The following NAGPA variants were observed in gnomAD, a reference collection of about 807,000 sequenced individuals.
NAGPA encodes the protein alpha-N-acetylglucosaminyl phosphodiesterase.
Under a neutral mutation model 48.5 loss-of-function variants are expected in NAGPA, and 56 were observed. The ratio of observed to expected loss-of-function variants is 1.15; its 90% CI spans 0.93 to 1.44. The LOEUF is 1.44. NAGPA is among the 40% of genes most tolerant of loss of function. The probability of loss-of-function intolerance (pLI) is 0.00; values close to 1 mark genes in which losing one functional copy is unlikely to be tolerated. For synonymous variants in NAGPA, 399 were observed against 315.5 expected, an observed-to-expected ratio of 1.26 and a Z score of -2.81; for missense variants, 888 against 735.0, an observed-to-expected ratio of 1.21 and a Z score of -2.41.
chr16:5,028,551 A>G, intron 5 of NAGPA: 1 of 562,074 alleles, frequency 1.8e-6, no homozygotes, highest in Non-Finnish European at 3.2e-6. Context: ...AGTCTTTTAT[A>G]GGTTCCTCCG....
rs1382656589 is a variant in NAGPA, at chr16:5,033,342, C to T, written c.473G>A (p.Arg158Gln). The T allele has an allele frequency of 1.9e-6, 3 of 1,597,928 alleles. No homozygotes were observed. Among genetic ancestry groups the T allele is most frequent in the Non-Finnish European group, 2.5e-6 (3 of 1,179,586 alleles). Residue 158 changes from arginine to glutamine, a missense_variant, in exon 2 of 10, where the codon CGG becomes CAG. Physicochemically the swap from Arg to Gln is conservative, Grantham distance 43 (BLOSUM62 1). Coordinates refer to ENST00000312251, the MANE Select transcript of NAGPA (RefSeq NM_016256.4). The surrounding 1 kb of genome is among the most constrained non-coding windows in gnomAD (Gnocchi z 4.2). ...CTGCAGCCCCCCGGAGCTGCTCACCCGCCGCTCGTCGCTCACCACGTTCCC... is the reference window on the plus strand; with the variant it reads ...CTGCAGCCCCCCGGAGCTGCTCACCTGCCGCTCGTCGCTCACCACGTTCCC... ...CLGNVVSDER[R>Q]VSSSGGLQNA...
intron 4 of NAGPA, chr16:5,029,332 T>G: frequency 5.4e-6 from 2 of 367,284 alleles, no homozygotes; most frequent in Non-Finnish European, 1.0e-5. Flanking sequence ...AGATTTGAAA[T>G]ACGAGGGGGA....
chr16:5,033,837 G>C lies in NAGPA; in HGVS notation c.78C>G (p.Leu26=). Residue 26 remains leucine, a synonymous_variant, in exon 1 of 10, where the codon CTC becomes CTG. Coordinates refer to ENST00000312251, the MANE Select transcript of NAGPA (RefSeq NM_016256.4). The surrounding 1 kb of genome is among the most constrained non-coding windows in gnomAD (Gnocchi z 4.2). ...CAGGGAGCTGCACTCACCCCGAGTC[G>C]AGGCCGCCGGACGCTTCCCAGAGGA... ...FGFLWEASGG[L]DSGASRDDDL... 6.4e-7 allele frequency: 1 copy of C among 1,550,678 alleles called. No individual in the cohort carries two copies.
intron 9 of NAGPA, 75 bp downstream of exon 9, chr16:5,027,060 A>G: frequency 6.4e-7 from 1 of 1,554,300 alleles, no homozygotes; most frequent in Non-Finnish European, 8.8e-7. Context: ...GCAGAGATGG[A>G]CCTCACAGGG....
Position 5,033,832 on chromosome 16 carries a change from G to A in NAGPA, c.83C>T (p.Ser28Leu), listed in dbSNP as rs74952829. Residue 28 changes from serine to leucine, a missense_variant, in exon 1 of 10, where the codon TCG (serine) becomes TTG (leucine). By Grantham distance (145) the Ser-to-Leu change is moderately radical. Transcript: ENST00000312251. The surrounding 1 kb of genome is among the most constrained non-coding windows in gnomAD (Gnocchi z 4.2). ...FLWEASGGLDSGASRDDDLLL... is the reference protein window; with the variant it reads ...FLWEASGGLDLGASRDDDLLL... ...TGGCCCAGGGAGCTGCACTCACCCCGAGTCGAGGCCGCCGGACGCTTCCCA... is the reference window on the plus strand; with the variant it reads ...TGGCCCAGGGAGCTGCACTCACCCCAAGTCGAGGCCGCCGGACGCTTCCCA... 2,614 of 1,551,882 alleles carry A rather than the reference G, an allele frequency of 1.7e-3. 40 individuals are homozygous for A. In the African/African-American group the frequency reaches 0.032, roughly 19 times the overall value.
At chr16:5,029,494 A>G (rs1046194034) in intron 4 of NAGPA, 2 of 232,386 alleles carry the variant, frequency 8.6e-6, no homozygotes, top group African/African-American at 4.5e-5. Context: ...AACAACCTAA[A>G]CAAGAGGATT....
chr16:5,028,567 T>G (rs1956046280), intron 5 of NAGPA: 1 of 552,758 alleles, frequency 1.8e-6, no homozygotes, highest in Non-Finnish European at 3.3e-6. Flanking sequence ...CTCCGCTCCC[T>G]ACAATCCCTC....
chr16:5,031,572 G>T, intron 3 of NAGPA, 173 bp downstream of exon 3: 4 of 825,550 alleles, frequency 4.8e-6, no homozygotes, highest in Admixed American at 4.0e-5. Flanking sequence ...ACTATTTTTT[G>T]TCCTATATAT....
rs1182968114 is a variant in NAGPA at position 5,025,475 on chromosome 16, G to A, written c.*3C>T. On this transcript the variant is annotated 3_prime_UTR_variant, in exon 10 of 10. Transcript: ENST00000312251. ...GACGTGCCACCCCGGGCAGCTTGAG[G>A]CTTCAGTCCTTGAAGGGGTTGTGGG... 2.5e-6 allele frequency: 4 copies of A among 1,611,842 alleles called. No individual in the cohort carries two copies. Among genetic ancestry groups the A allele is most frequent in the Non-Finnish European group, 3.4e-6 (4 of 1,179,850 alleles).
At position 5,028,074 on chromosome 16, in the gene NAGPA, G is replaced by A; in HGVS notation, c.1032C>T (p.His344=). 1.2e-6 allele frequency: 2 copies of A among 1,613,728 alleles called. No homozygotes were observed. Among genetic ancestry groups the A allele is most frequent in the Non-Finnish European group, 1.7e-6 (2 of 1,179,914 alleles). Residue 344 remains histidine, a synonymous_variant, in exon 6 of 10, where the codon CAC becomes CAT. Coordinates refer to ENST00000312251, the MANE Select transcript of NAGPA (RefSeq NM_016256.4). ...CHGHGTCVDG[H]CQCTGHFWRG... ...GCCAGAAGTGCCCGGTGCATTGGCA[G>A]TGCCCGTCCACGCAGGTCCCGTGGC...
At chr16:5,027,758 A>C (rs778363421) in intron 7 of NAGPA, 88 bp downstream of exon 7, 23 of 1,525,900 alleles carry the variant, frequency 1.5e-5, no homozygotes, top group Non-Finnish European at 1.9e-5. Flanking sequence ...TTCCCAGACC[A>C]GAAGGTGGAG....
chr16:5,027,723 G>A lies in NAGPA; in HGVS notation c.1174+123C>T, dbSNP rs553865824. ...CACACAGTGATGTGCAGGTGAGGCCGGGGCAGAAGACAAGAGGCAAGCATT... is the reference window on the plus strand; with the variant it reads ...CACACAGTGATGTGCAGGTGAGGCCAGGGCAGAAGACAAGAGGCAAGCATT... On this transcript the variant is annotated intron_variant, in intron 7 of 9. Transcript: ENST00000312251. 2.6e-3 allele frequency: 3,669 copies of A among 1,395,438 alleles called. 5 individuals carry two copies. Among genetic ancestry groups the A allele is most frequent in the Non-Finnish European group, 3.3e-3 (3,400 of 1,017,060 alleles). The allele number at this position is 1,395,438 out of a possible 1,614,324, so 86.4% of individuals were successfully genotyped here.
chr16:5,033,730 T>C lies in NAGPA; in HGVS notation c.87-2A>G, dbSNP rs1567143552. 2 of 1,602,878 alleles carry C rather than the reference T, an allele frequency of 1.2e-6. No individual in the cohort carries two copies. The highest frequency in any genetic ancestry group is 1.7e-6 in the Non-Finnish European group (2 of 1,176,966). The stretch of plus-strand genomic sequence containing the variant: ...AGCAAGTCGTCGTCGCGGGAGGCCC[T>C]GCGGGGACGGGCGGCCGTGAGCTCA... On this transcript the variant is annotated splice_acceptor_variant, in intron 1 of 9. Coordinates refer to ENST00000312251, the MANE Select transcript of NAGPA (RefSeq NM_016256.4). LOFTEE classifies it high-confidence loss of function. The surrounding 1 kb of genome is among the most constrained non-coding windows in gnomAD (Gnocchi z 4.2).
chr16:5,029,275 T>A (rs1194427525), intron 4 of NAGPA: 1 of 501,802 alleles, frequency 2.0e-6, no homozygotes, highest in Middle Eastern at 5.7e-4. Context: ...ATCACAGGAG[T>A]GTTCAACACA....
At chr16:5,032,817 C>T (rs576339301) in intron 2 of NAGPA, among the ~76,000 whole-genome samples, 1 of 152,192 alleles carries the variant, frequency 6.6e-6, no homozygotes, top group Non-Finnish European at 1.5e-5. Flanking sequence ...CGCTCTTCCT[C>T]CAGTTCTGAC....
intron 9 of NAGPA, 107 bp from the exon 10 acceptor site, chr16:5,025,792 G>C (rs997643115): frequency 3.4e-6 from 4 of 1,183,940 alleles, no homozygotes; most frequent in Non-Finnish European, 4.8e-6. Flanking sequence ...ACTAAATCAG[G>C]TGCCTCCAGG....
In NAGPA at chr16:5,033,475, C is replaced by A. The variant is rs1187155872; in HGVS notation, c.340G>T (p.Gly114Cys). ...FSVLEPGGPG[G>C]CAARRRATVE... ...GTGGCGCGTCGTCTCGCCGCGCAGC[C>A]GCCGGGTCCACCGGGCTCCAGCACC... The change falls in exon 2 of 10, where the codon GGC becomes TGC. Residue 114 changes from glycine to cysteine, a missense_variant. By Grantham distance (159) the Gly-to-Cys change is radical (BLOSUM62 -3). Coordinates refer to ENST00000312251, the MANE Select transcript of NAGPA (RefSeq NM_016256.4). The surrounding 1 kb of genome is among the most constrained non-coding windows in gnomAD (Gnocchi z 4.2). The A allele has an allele frequency of 6.3e-7, 1 of 1,575,496 alleles. No homozygotes were observed. Among genetic ancestry groups the A allele is most frequent in the East Asian group, 2.3e-5 (1 of 43,440 alleles).
At chr16:5,030,226 C>A (rs1009315619) in intron 4 of NAGPA, 159 bp downstream of exon 4, 2 of 693,708 alleles carry the variant, frequency 2.9e-6, no homozygotes, top group Admixed American at 2.1e-5. Flanking sequence ...GATCTCAGAA[C>A]CCTCATCCTG....
At position 5,028,974 on chromosome 16, in the gene NAGPA, T is replaced by G. The variant is rs767515913; in HGVS notation, c.826A>C (p.Lys276Gln). The part of the protein sequence containing the change: ...NLWEMAEFLL[K>Q]QDVVNAINLD... The stretch of plus-strand genomic sequence containing the variant: ...TTGATGGCGTTGACCACGTCCTGTT[T>G]CAGCAGGAACTCCGCCATTTCCCAC... Residue 276 changes from lysine (K) to glutamine (Q), a missense_variant, in exon 5 of 10, where the codon AAA (lysine) becomes CAA (glutamine). By Grantham distance (53) the Lys-to-Gln change is moderately conservative. Coordinates refer to ENST00000312251, the MANE Select transcript of NAGPA (RefSeq NM_016256.4). 2.7e-5 allele frequency: 44 copies of G among 1,613,822 alleles called. No individual in the cohort carries two copies. Among genetic ancestry groups the G allele is most frequent in the Non-Finnish European group, 3.5e-5 (41 of 1,180,054 alleles).
Sources: gnomAD v4.1 joint callset for allele counts (sites outside exome capture counted in the v4.1 genomes callset) on GRCh38, gnomAD v4.1.1 for gene constraint, Gnocchi (gnomAD v3.1) non-coding constraint, MANE v1.5 for transcripts, NCBI Gene and HGNC (gene_info 2026-07-23, HGNC 2026-07-21) for gene names.